Variants in MROH2B observed in about 807,000 individuals in gnomAD.
MROH2B encodes maestro heat like repeat family member 2B.
Under a neutral mutation model 208.6 loss-of-function variants are expected in MROH2B, and 177 were observed. The observed-to-expected ratio is 0.85, with a 90% CI of 0.75 to 0.96. The LOEUF (loss-of-function observed/expected upper bound fraction) is 0.96. Among genes scored for constraint, MROH2B ranks in the 40% least tolerant of loss-of-function variants. MROH2B has a pLI of 0.00. For missense variants in MROH2B, 2,002 were observed against 1,878.7 expected, an observed-to-expected ratio of 1.07 and a Z score of -1.21; for synonymous variants, 728 against 659.0, an observed-to-expected ratio of 1.10 and a Z score of -1.60.
intron 5 of MROH2B, among the ~76,000 whole-genome samples, chr5:41,062,738 G>A (rs553233344): frequency 3.6e-4 from 54 of 152,022 alleles, no homozygotes; most frequent in Non-Finnish European, 7.5e-4. Context: ...CTGTAGAGCC[G>A]GCCATTTATT....
intron 35 of MROH2B, 116 bp downstream of exon 35, chr5:41,005,415 C>CA: frequency 6.1e-6 from 1 of 165,198 alleles, no homozygotes; most frequent in Admixed American, 7.3e-5. Flanking sequence ...TCTATGAAAC[C>CA]CCCCCCCCCC....
At chr5:41,015,157 C>T (rs2049007642) in intron 29 of MROH2B, among the ~76,000 whole-genome samples, 1 of 152,194 alleles carries the variant, frequency 6.6e-6, no homozygotes, top group African/African-American at 2.4e-5. Flanking sequence ...CACAGCATCC[C>T]ACATTTTGGG....
At chr5:41,032,897 G>C in intron 23 of MROH2B, 76 bp from the exon 24 acceptor site, 1 of 1,543,236 alleles carries the variant, frequency 6.5e-7, no homozygotes, top group Non-Finnish European at 8.8e-7. Context: ...AACCTCATCA[G>C]ACCATTGGGT....
chr5:41,050,771 T>G (rs1017662615), intron 13 of MROH2B, among the ~76,000 whole-genome samples: 9 of 152,202 alleles, frequency 5.9e-5, no homozygotes, highest in Non-Finnish European at 7.3e-5. Context: ...ACTATCCAGA[T>G]GTAAGATACT....
At chr5:41,006,253 A>T (rs889003570) in intron 34 of MROH2B, among the ~76,000 whole-genome samples, 1 of 152,160 alleles carries the variant, frequency 6.6e-6, no homozygotes, top group Non-Finnish European at 1.5e-5. Context: ...ATCACTAATG[A>T]TCAGGGAAAT....
At chr5:41,044,444 T>C (rs115448710) in intron 18 of MROH2B, among the ~76,000 whole-genome samples, 1 of 152,298 alleles carries the variant, frequency 6.6e-6, no homozygotes, top group African/African-American at 2.4e-5. Flanking sequence ...AGTACATTCT[T>C]ACTTTACTCT....
chr5:41,003,731 C>T (rs1230553183), intron 37 of MROH2B, among the ~76,000 whole-genome samples: 1 of 152,124 alleles, frequency 6.6e-6, no homozygotes, highest in African/African-American at 2.4e-5. Flanking sequence ...TTTTCCATCT[C>T]CTCTGACAAT....
intron 24 of MROH2B, among the ~76,000 whole-genome samples, chr5:41,021,696 G>A (rs1409785487): frequency 6.6e-6 from 1 of 151,912 alleles, no homozygotes; most frequent in African/African-American, 2.4e-5. Flanking sequence ...TAGACAACAT[G>A]GCAAAACCAT....
intron 9 of MROH2B, 104 bp downstream of exon 9, chr5:41,057,005 G>A (rs960879756): frequency 2.8e-5 from 31 of 1,097,968 alleles, no homozygotes; most frequent in African/African-American, 4.6e-5. Flanking sequence ...GTGTGTTTGT[G>A]TGTGTGAAAG....
intron 41 of MROH2B, 70 bp downstream of exon 41, chr5:40,998,542 A>C (rs1741281829): frequency 1.5e-6 from 2 of 1,299,882 alleles, no homozygotes; most frequent in Non-Finnish European, 2.2e-6. Flanking sequence ...CGTGGAACTT[A>C]GAACAGCAAT....
intron 9 of MROH2B, among the ~76,000 whole-genome samples, chr5:41,056,774 CA>C (rs34263761): frequency 0.037 from 4,188 of 114,708 alleles, 162 homozygotes; most frequent in African/African-American, 0.12. Flanking sequence ...TCTCAAATAC[CA>C]AAAAAAAAAA....
At chr5:41,060,673 C>G (rs774285093) in intron 6 of MROH2B, among the ~76,000 whole-genome samples, 15 of 152,248 alleles carry the variant, frequency 9.9e-5, no homozygotes, top group Middle Eastern at 3.4e-3. Context: ...CTCTGTGCAC[C>G]CTTGTCACTT....
At chr5:41,024,896 C>T (rs1579923416) in intron 24 of MROH2B, among the ~76,000 whole-genome samples, 1 of 152,162 alleles carries the variant, frequency 6.6e-6, no homozygotes, top group African/African-American at 2.4e-5. Flanking sequence ...CAAAACTGCT[C>T]AACTACATGG....
At chr5:41,014,201 C>G (rs1388134046) in intron 29 of MROH2B, among the ~76,000 whole-genome samples, 1 of 152,178 alleles carries the variant, frequency 6.6e-6, no homozygotes, top group Non-Finnish European at 1.5e-5. Context: ...CAATATAAAT[C>G]TGTAATGTCT....
intron 16 of MROH2B, 31 bp downstream of exon 16, chr5:41,048,292 CT>C (rs772571368): frequency 6.4e-6 from 10 of 1,572,876 alleles, no homozygotes; most frequent in Non-Finnish European, 7.7e-6. Context: ...TTCTTGCCCC[CT>C]GGGTAAAGAC....
chr5:41,039,328 G>C (rs7700901), intron 20 of MROH2B, 120 bp downstream of exon 20: 395,796 of 629,736 alleles, frequency 0.63, 127,240 homozygotes, highest in Non-Finnish European at 0.67. Context: ...GGACAGTTCT[G>C]ACCTGGAATA....
rs1311418164 is a variant in MROH2B, at chr5:41,055,739, T to C, written c.1033+3A>G. 5.0e-6 allele frequency: 8 copies of C among 1,610,912 alleles called. No individual in the cohort carries two copies. Among genetic ancestry groups the C allele is most frequent in the Non-Finnish European group, 6.8e-6 (8 of 1,177,426 alleles). On this transcript the variant is annotated splice_donor_region_variant and intron_variant, in intron 10 of 41. Coordinates refer to ENST00000399564, the MANE Select transcript of MROH2B (RefSeq NM_173489.5). ...CCATGTTGGCTTCAACCCTCTTGCT[T>C]ACCATCAGCATTGACAGCCAATCTT...
At chr5:41,038,618 C>T (rs535620457) in intron 21 of MROH2B, 118 bp downstream of exon 21, 372 of 969,928 alleles carry the variant, frequency 3.8e-4, no homozygotes, top group Non-Finnish European at 4.8e-4. Context: ...TCTGTTTTCA[C>T]GTGGCTGATA....
rs1359038999 is a variant in MROH2B, at chr5:41,000,747, A to G, written c.4281T>C (p.Ala1427=). The change falls in exon 38 of 42, where the codon GCT becomes GCC. Residue 1427 remains alanine (A), a synonymous_variant. Coordinates refer to ENST00000399564, the MANE Select transcript of MROH2B (RefSeq NM_173489.5). Reference sequence around the variant, plus strand: ...AAATCAGGCTCTTTTTTATTTCTTCAGCAAAAAAAATCTTCCACCTTCTTC... The same window carrying G: ...AAATCAGGCTCTTTTTTATTTCTTCGGCAAAAAAAATCTTCCACCTTCTTC... ...LTGRRWKIFF[A]EEIKKSLISF... 6.2e-7 allele frequency: 1 copy of G among 1,611,534 alleles called. No individual in the cohort carries two copies. The highest frequency in any genetic ancestry group is 8.5e-7 in the Non-Finnish European group (1 of 1,178,966).
Sources: gnomAD v4.1 joint callset for allele counts (sites outside exome capture counted in the v4.1 genomes callset) on GRCh38, gnomAD v4.1.1 for gene constraint, MANE v1.5 for transcripts, NCBI Gene and HGNC (gene_info 2026-07-23, HGNC 2026-07-21) for gene names.